Variants in L3MBTL3 observed in about 807,000 individuals in gnomAD.
The protein encoded by L3MBTL3 is L3MBTL histone methyl-lysine binding protein 3.
A neutral mutation model predicts 102.3 loss-of-function variants in L3MBTL3; 27 were observed. The observed-to-expected ratio is 0.26, with a 90% CI of 0.19 to 0.36. L3MBTL3 has a LOEUF of 0.36. Among genes scored for constraint, L3MBTL3 ranks in the 10% least tolerant of loss-of-function variants. The pLI, the probability that L3MBTL3 is intolerant of heterozygous loss-of-function variation, is 1.00. For synonymous variants in L3MBTL3, 340 were observed against 320.9 expected (o/e 1.06, Z -0.64); for missense variants, 798 against 955.3 (o/e 0.84, Z 2.17).
chr6:130,037,923 A>G (rs1291224244), intron 2 of L3MBTL3, among the ~76,000 whole-genome samples: 3 of 151,874 alleles, frequency 2.0e-5, no homozygotes, highest in Admixed American at 6.6e-5. Context: ...ACCTTTGTCT[A>G]TTGCCTCCCT....
chr6:130,055,334 G>A, intron 8 of L3MBTL3, 79 bp downstream of exon 8: 2 of 1,004,272 alleles, frequency 2.0e-6, no homozygotes, highest in Non-Finnish European at 3.0e-6. Flanking sequence ...TTTTAGTCAT[G>A]CCACTTAAAG....
intron 2 of L3MBTL3, among the ~76,000 whole-genome samples, chr6:130,026,524 C>A (rs576946441): frequency 1.3e-5 from 2 of 151,234 alleles, no homozygotes; most frequent in Non-Finnish European, 2.9e-5. Flanking sequence ...CTAAGATGAG[C>A]AATAATGAAC....
chr6:130,020,599 TGG>T (rs901010810), intron 1 of L3MBTL3: 8 of 150,680 alleles, frequency 5.3e-5, no homozygotes, highest in African/African-American at 2.0e-4. Flanking sequence ...CAGAGGGAGG[TGG>T]GGGTAACTAG....
At chr6:130,102,917 C>T (rs1784786199) in intron 18 of L3MBTL3, among the ~76,000 whole-genome samples, 1 of 152,184 alleles carries the variant, frequency 6.6e-6, no homozygotes, top group Non-Finnish European at 1.5e-5. Context: ...GCCGATCTCC[C>T]CCTGGAATAT....
At chr6:130,075,918 G>A (rs1227721684) in intron 13 of L3MBTL3, among the ~76,000 whole-genome samples, 8 of 152,184 alleles carry the variant, frequency 5.3e-5, no homozygotes, top group South Asian at 2.1e-4. Flanking sequence ...CCAAGTATTC[G>A]TTGTGTTAAT....
At chr6:130,020,261 G>A (rs1778892683) in intron 1 of L3MBTL3, among the ~76,000 whole-genome samples, 2 of 151,402 alleles carry the variant, frequency 1.3e-5, no homozygotes, top group South Asian at 4.2e-4. Context: ...AGGCCGGCGG[G>A]GGTGGGGATC....
At chr6:130,019,696 C>T (rs1562240370) in intron 1 of L3MBTL3, among the ~76,000 whole-genome samples, 1 of 151,498 alleles carries the variant, frequency 6.6e-6, no homozygotes, top group Non-Finnish European at 1.5e-5. Flanking sequence ...TCCTCGCCGC[C>T]TCCCTCTTCC....
At chr6:130,087,256 A>G (rs1264635701) in intron 16 of L3MBTL3, among the ~76,000 whole-genome samples, 1 of 152,186 alleles carries the variant, frequency 6.6e-6, no homozygotes, top group Non-Finnish European at 1.5e-5. Context: ...CACTGTTAAG[A>G]TTATAGAATC....
intron 13 of L3MBTL3, among the ~76,000 whole-genome samples, chr6:130,073,927 C>G (rs1032176317): frequency 6.6e-6 from 1 of 152,032 alleles, no homozygotes; most frequent in African/African-American, 2.4e-5. Context: ...TTTGTTAATT[C>G]TCTGAAAACG....
At chr6:130,110,757 C>T (rs370296874) in intron 19 of L3MBTL3, among the ~76,000 whole-genome samples, 1 of 152,206 alleles carries the variant, frequency 6.6e-6, no homozygotes, top group African/African-American at 2.4e-5. Flanking sequence ...GAGAGGGCAT[C>T]CTTGTCTTGT....
chr6:130,030,385 G>A (rs995991826), intron 2 of L3MBTL3, among the ~76,000 whole-genome samples: 2 of 151,886 alleles, frequency 1.3e-5, no homozygotes, highest in Non-Finnish European at 2.9e-5. Context: ...AAACCCGGCC[G>A]GGTGCGGTGG....
At chr6:130,108,251 T>TTTTTTTTG in intron 19 of L3MBTL3, among the ~76,000 whole-genome samples, 1 of 147,596 alleles carries the variant, frequency 6.8e-6, no homozygotes, top group Admixed American at 6.7e-5. Context: ...TTTTTTTTTT[T>TTTTTTTTG]TTAGATGGAG....
At chr6:130,131,786 T>C (rs1367678148) in intron 20 of L3MBTL3, among the ~76,000 whole-genome samples, 1 of 152,226 alleles carries the variant, frequency 6.6e-6, no homozygotes, top group Non-Finnish European at 1.5e-5. Flanking sequence ...TTGTAAACTG[T>C]CCTGGCGCTG....
intron 3 of L3MBTL3, among the ~76,000 whole-genome samples, chr6:130,043,017 G>A (rs1780519432): frequency 6.6e-6 from 1 of 152,230 alleles, no homozygotes; most frequent in Non-Finnish European, 1.5e-5. Flanking sequence ...AGTAAGGAAT[G>A]TTTCTGCAGT....
intron 8 of L3MBTL3, 143 bp from the exon 9 acceptor site, chr6:130,057,263 C>T (rs1464141353): frequency 5.7e-6 from 4 of 705,472 alleles, no homozygotes; most frequent in African/African-American, 5.4e-5. Context: ...GGAAGACGAG[C>T]CAGGAAGAGA....
chr6:130,077,749 G>A (rs1783048574), intron 13 of L3MBTL3, among the ~76,000 whole-genome samples: 1 of 152,152 alleles, frequency 6.6e-6, no homozygotes, highest in South Asian at 2.1e-4. Flanking sequence ...TTCCCATCAA[G>A]AGGGCTGTGT....
intron 2 of L3MBTL3, among the ~76,000 whole-genome samples, chr6:130,023,874 T>C (rs1418205627): frequency 6.6e-6 from 1 of 152,190 alleles, no homozygotes; most frequent in African/African-American, 2.4e-5. Context: ...GAGTATATCT[T>C]GTCTTGAGAA....
intron 13 of L3MBTL3, among the ~76,000 whole-genome samples, chr6:130,076,472 T>C (rs898467398): frequency 3.9e-5 from 6 of 152,140 alleles, no homozygotes; most frequent in Non-Finnish European, 8.8e-5. Flanking sequence ...TTAAAATAGG[T>C]TATTTCTTTG....
chr6:130,034,427 G>A (rs1779919175), intron 2 of L3MBTL3, among the ~76,000 whole-genome samples: 1 of 152,094 alleles, frequency 6.6e-6, no homozygotes, highest in East Asian at 1.9e-4. Flanking sequence ...TTACTGTCTG[G>A]AGTACTTATT....
Sources: allele counts gnomAD v4.1 joint callset (sites outside exome capture counted in the v4.1 genomes callset), GRCh38; gene constraint gnomAD v4.1.1; transcripts MANE v1.5; gene names NCBI Gene and HGNC (gene_info 2026-07-23, HGNC 2026-07-21).